WWOX: variants seen among roughly 807,000 people sequenced by gnomAD.
WWOX encodes the protein WW domain-containing oxidoreductase.
A neutral mutation model predicts 46.2 loss-of-function variants in WWOX; 69 were observed. The observed-to-expected ratio is 1.49, with a 90% CI of 1.23 to 1.82. The LOEUF is 1.82. Among genes scored for constraint, WWOX ranks in the 40% most tolerant of loss-of-function variants. The probability of loss-of-function intolerance (pLI) is 0.00; values close to 1 mark genes in which losing one functional copy is unlikely to be tolerated. For missense variants in WWOX, 919 were observed against 542.6 expected, an observed-to-expected ratio of 1.69 and a Z score of -6.89; for synonymous variants, 359 against 202.6, an observed-to-expected ratio of 1.77 and a Z score of -6.56.
In WWOX at chr16:78,480,588, C is replaced by T. The variant is rs190292087; in HGVS notation, c.1056+47836C>T. Among the ~76,000 whole-genome samples, 1,036 of 152,224 alleles carry T rather than the reference C, an allele frequency of 6.8e-3. 13 individuals carry two copies. The highest frequency in any genetic ancestry group is 0.024 in the African/African-American group (995 of 41,536). On this transcript the variant is annotated intron_variant, in intron 8 of 8. Coordinates refer to ENST00000566780, the MANE Select transcript of WWOX (RefSeq NM_016373.4). The stretch of plus-strand genomic sequence containing the variant: ...CCAGCTCAGTAGCCACTTTCAGGGT[C>T]CCGTACTTTTCAATGTAAGCATATT...
At chr16:78,248,855 C>T (rs371720055) in intron 5 of WWOX, among the ~76,000 whole-genome samples, 47 of 150,788 alleles carry the variant, frequency 3.1e-4, no homozygotes, top group African/African-American at 1.1e-3. Flanking sequence ...AGTACTTATG[C>T]CCCCCGGCCT....
intron 8 of WWOX, among the ~76,000 whole-genome samples, chr16:78,735,158 C>G (rs1045598298): frequency 1.3e-5 from 2 of 151,904 alleles, no homozygotes; most frequent in Non-Finnish European, 2.9e-5. Context: ...TGAGCCACCA[C>G]GTCTGGCCTG....
intron 8 of WWOX, chr16:79,101,636 C>G (rs1392760812): frequency 6.6e-6 from 1 of 151,604 alleles, no homozygotes; most frequent in East Asian, 2.0e-4. Context: ...TACATGTCCA[C>G]AGAACACGCC....
At chr16:78,499,443 C>G (rs545542946) in intron 8 of WWOX, among the ~76,000 whole-genome samples, 2 of 152,280 alleles carry the variant, frequency 1.3e-5, no homozygotes, top group East Asian at 1.9e-4. Context: ...TCACTTTTTA[C>G]CATAGCTAAC....
intron 8 of WWOX, among the ~76,000 whole-genome samples, chr16:78,802,972 G>A (rs2050935453): frequency 7.7e-6 from 1 of 129,502 alleles, no homozygotes; most frequent in Non-Finnish European, 1.7e-5. Flanking sequence ...CGAGTGAGTG[G>A]CAAGAAAGAT....
intron 8 of WWOX, among the ~76,000 whole-genome samples, chr16:79,076,297 A>G (rs905409827): frequency 6.6e-6 from 1 of 152,218 alleles, no homozygotes; most frequent in Non-Finnish European, 1.5e-5. Context: ...TTTTCCTAGT[A>G]TCTGGATGAC....
chr16:78,510,503 G>A (rs978637129), intron 8 of WWOX, among the ~76,000 whole-genome samples: 2 of 152,050 alleles, frequency 1.3e-5, no homozygotes. Context: ...GTGAGCCACC[G>A]TGCCGGCCAC....
rs1344898383 is a variant in WWOX at position 78,964,970 on chromosome 16, G to A, written c.1057-246638G>A. Among the ~76,000 whole-genome samples, 5 of 152,358 alleles carry A rather than the reference G, an allele frequency of 3.3e-5. No individual in the cohort carries two copies. In the South Asian group the frequency reaches 1.0e-3, roughly 32 times the overall value. ...GAGTGTGTGGGGGCACAGAAGTCAA[G>A]AATTGGGGTTTGGGAACCTCTGCCT... On this transcript the variant is annotated intron_variant, in intron 8 of 8. Coordinates refer to ENST00000566780, the MANE Select transcript of WWOX (RefSeq NM_016373.4).
intron 5 of WWOX, among the ~76,000 whole-genome samples, chr16:78,178,509 A>G (rs1187998737): frequency 6.6e-6 from 1 of 152,168 alleles, no homozygotes; most frequent in African/African-American, 2.4e-5. Flanking sequence ...CTTTAGGAGT[A>G]GGAATACATG....
intron 8 of WWOX, among the ~76,000 whole-genome samples, chr16:78,724,415 G>C (rs898071838): frequency 2.6e-5 from 4 of 152,228 alleles, no homozygotes; most frequent in African/African-American, 9.6e-5. Flanking sequence ...TGTTCCAGAA[G>C]AAGTTAAGGT....
At chr16:78,263,765 AC>A (rs2079298559) in intron 5 of WWOX, among the ~76,000 whole-genome samples, 1 of 152,158 alleles carries the variant, frequency 6.6e-6, no homozygotes, top group Non-Finnish European at 1.5e-5. Flanking sequence ...TCTGCCACTT[AC>A]CTGGAGTAAG....
chr16:78,981,036 T>C (rs1277502650), intron 8 of WWOX, among the ~76,000 whole-genome samples: 1 of 152,204 alleles, frequency 6.6e-6, no homozygotes, highest in East Asian at 1.9e-4. Flanking sequence ...TCATGGGGCA[T>C]TTTTGTATGT....
intron 8 of WWOX, among the ~76,000 whole-genome samples, chr16:79,068,983 A>T (rs1168208899): frequency 6.6e-6 from 1 of 152,180 alleles, no homozygotes; most frequent in African/African-American, 2.4e-5. Context: ...GGCGTAAGAT[A>T]TGCATCTATC....
At chr16:78,704,078 C>T (rs1391981576) in intron 8 of WWOX, among the ~76,000 whole-genome samples, 3 of 151,914 alleles carry the variant, frequency 2.0e-5, no homozygotes, top group Non-Finnish European at 2.9e-5. Flanking sequence ...CCATCTGTTT[C>T]AATTCACTAG....
At chr16:78,769,367 C>G (rs920194185) in intron 8 of WWOX, among the ~76,000 whole-genome samples, 2 of 152,124 alleles carry the variant, frequency 1.3e-5, no homozygotes, top group East Asian at 1.9e-4. Context: ...CGCCCCCTCT[C>G]TTCCCCTCCT....
chr16:78,614,732 G>C (rs2045980554), intron 8 of WWOX, among the ~76,000 whole-genome samples: 1 of 152,180 alleles, frequency 6.6e-6, no homozygotes, highest in African/African-American at 2.4e-5. Context: ...GCTCTTCCTT[G>C]ACGTGTTTTA....
At chr16:78,862,741 A>G (rs945631286) in intron 8 of WWOX, among the ~76,000 whole-genome samples, 1 of 151,990 alleles carries the variant, frequency 6.6e-6, no homozygotes, top group African/African-American at 2.4e-5. Context: ...ATTCTTTCTC[A>G]CTCAGCCTTT....
At chr16:78,691,397 G>T (rs566639229) in intron 8 of WWOX, 21 of 655,266 alleles carry the variant, frequency 3.2e-5, no homozygotes, top group Non-Finnish European at 5.2e-5. Flanking sequence ...GGCCTACAGG[G>T]TGCTTTAGAA....
rs534325373 is a variant in WWOX, at chr16:78,333,946, G to A, written c.517-52914G>A. Among the ~76,000 whole-genome samples, 18 of 145,584 alleles carry A rather than the reference G, an allele frequency of 1.2e-4. No individual in the cohort carries two copies. In the East Asian group the frequency reaches 2.2e-3, roughly 18 times the overall value. ...TCTTCTTCTCTTTTAGAAACCTTGC[G>A]TGATCCACTGATGGTAAATATTTCA... On this transcript the variant is annotated intron_variant, in intron 5 of 8. Coordinates refer to ENST00000566780, the MANE Select transcript of WWOX (RefSeq NM_016373.4).
Sources: gnomAD v4.1 joint callset for allele counts (sites outside exome capture counted in the v4.1 genomes callset) on GRCh38, gnomAD v4.1.1 for gene constraint, MANE v1.5 for transcripts, NCBI Gene and HGNC (gene_info 2026-07-23, HGNC 2026-07-21) for gene names.